Variants in SPATA7 observed in about 807,000 individuals in gnomAD.
SPATA7 encodes the protein spermatogenesis-associated protein 7.
Under a neutral mutation model 51.8 loss-of-function variants are expected in SPATA7, and 43 were observed. That is an observed-to-expected ratio of 0.83 (90% CI 0.65 to 1.07). The LOEUF is 1.07. Ranked by LOEUF, SPATA7 falls within the 50% of genes least tolerant of loss-of-function variation. SPATA7 has a pLI of 0.00. For missense variants in SPATA7, 683 were observed against 701.3 expected (o/e 0.97, Z 0.30); for synonymous variants, 230 against 252.8 (o/e 0.91, Z 0.86).
intron 11 of SPATA7, 67 bp from the exon 12 acceptor site, chr14:88,437,771 C>G (rs973693362): frequency 1.4e-6 from 2 of 1,455,734 alleles, no homozygotes; most frequent in Admixed American, 2.1e-5. Context: ...GTGAGATTTT[C>G]AGCACTGCAG....
chr14:88,436,297 T>C (rs1398651285), intron 10 of SPATA7, among the ~76,000 whole-genome samples: 2 of 152,210 alleles, frequency 1.3e-5, no homozygotes, highest in Non-Finnish European at 2.9e-5. Context: ...TAAATAGTTG[T>C]TTGAGCTCCT....
chr14:88,451,160 C>A (rs1253221525), intron 3 of SPATA7, among the ~76,000 whole-genome samples: 1 of 151,986 alleles, frequency 6.6e-6, no homozygotes, highest in Non-Finnish European at 1.5e-5. Flanking sequence ...AGAAGTTGTG[C>A]TTTTTGTTTT....
At chr14:88,401,012 C>T (rs1190644424) in intron 4 of SPATA7, among the ~76,000 whole-genome samples, 2 of 152,070 alleles carry the variant, frequency 1.3e-5, no homozygotes, top group African/African-American at 4.8e-5. Context: ...CTAGCACCAC[C>T]CTGATGCCAA....
chr14:88,440,677 C>T (rs2077172361), downstream of SPATA7, among the ~76,000 whole-genome samples: 1 of 152,088 alleles, frequency 6.6e-6, no homozygotes, highest in Admixed American at 6.6e-5. Context: ...GATTTGATTC[C>T]TTTTGAGCTG....
chr14:88,467,612 G>A (rs2077384874), intron 4 of SPATA7: 3 of 152,090 alleles, frequency 2.0e-5, no homozygotes, highest in African/African-American at 7.3e-5. Context: ...AGTACCCAAG[G>A]TTTTTAAAAA....
chr14:88,469,852 G>A lies in SPATA7; in HGVS notation c.261G>A (p.Arg87=), dbSNP rs1396374394. 1 of 1,608,216 alleles carries A rather than the reference G, an allele frequency of 6.2e-7. No homozygotes were observed. Among genetic ancestry groups the A allele is most frequent in the Middle Eastern group, 1.7e-4 (1 of 6,054 alleles). The change falls in exon 5 of 5, where the codon AGG becomes AGA. Residue 87 remains arginine, a synonymous_variant. Coordinates refer to the SPATA7 transcript ENST00000556406. The surrounding 1 kb of genome is among the most constrained non-coding windows in gnomAD (Gnocchi z 4.3). ...CCCTGCCTTTTTCTCCACAGGTCAG[G>A]ATTCCAGATGATTAACATTAACTGT...
intron 10 of SPATA7, among the ~76,000 whole-genome samples, chr14:88,433,774 A>G (rs138273645): frequency 1.1e-4 from 16 of 152,328 alleles, no homozygotes; most frequent in African/African-American, 3.6e-4. Context: ...TATGTAACCT[A>G]GGACCCTATT....
In SPATA7 at chr14:88,431,178, G is replaced by A. The variant is rs764902056; in HGVS notation, c.1035G>A (p.Met345Ile). The A allele has an allele frequency of 9.3e-6, 15 of 1,613,532 alleles. No individual in the cohort carries two copies. The highest frequency in any genetic ancestry group is 1.3e-5 in the Non-Finnish European group (15 of 1,179,696). The change falls in exon 9 of 12, where the codon ATG becomes ATA. Residue 345 changes from methionine (M) to isoleucine (I), a missense_variant. Coordinates refer to ENST00000393545, the MANE Select transcript of SPATA7 (RefSeq NM_018418.5). ...TTTAACTTCCTCTTTCTAGGGCAATGTGTCAGTATTCCCTGAAGCCCCCTT... is the reference window on the plus strand; with the variant it reads ...TTTAACTTCCTCTTTCTAGGGCAATATGTCAGTATTCCCTGAAGCCCCCTT... The part of the protein sequence containing the change: ...DALQHSSPRA[M>I]CQYSLKPPST...
intron 4 of SPATA7, among the ~76,000 whole-genome samples, chr14:88,398,134 A>G (rs375365699): frequency 1.3e-5 from 2 of 152,166 alleles, no homozygotes; most frequent in East Asian, 1.9e-4. Context: ...CATGGCTGTC[A>G]CAGCCTTTGA....
intron 4 of SPATA7, among the ~76,000 whole-genome samples, chr14:88,397,682 G>A (rs1232157822): frequency 6.6e-6 from 1 of 150,598 alleles, no homozygotes; most frequent in Non-Finnish European, 1.5e-5. Context: ...CCATAATGTT[G>A]ACACAGGATA....
intron 3 of SPATA7, among the ~76,000 whole-genome samples, chr14:88,447,430 CTT>C (rs539519862): frequency 0.014 from 2,104 of 151,916 alleles, 47 homozygotes; most frequent in African/African-American, 0.048. Context: ...GGTCTTGACT[CTT>C]TATCCAATTT....
At chr14:88,468,077 C>T (rs768631053) in intron 4 of SPATA7, 63 of 1,580,104 alleles carry the variant, frequency 4.0e-5, no homozygotes, top group Non-Finnish European at 4.9e-5. Flanking sequence ...GTTAGGCAAG[C>T]GCTTTTTTTT....
In SPATA7 at chr14:88,437,478, A is replaced by G. The variant is rs74075035; in HGVS notation, c.1161-65A>G. On this transcript the variant is annotated intron_variant, in intron 10 of 11. Coordinates refer to ENST00000393545, the MANE Select transcript of SPATA7 (RefSeq NM_018418.5). The stretch of plus-strand genomic sequence containing the variant: ...AACCTTTGTAGTTTCAGTGTTACGT[A>G]GCTAGTTTATATTTAGATGATTTTC... 5.9e-3 allele frequency: 6,692 copies of G among 1,128,396 alleles called. 273 individuals are homozygous for G. In the African/African-American group the frequency reaches 0.089, roughly 15 times the overall value. 69.9% of individuals were successfully genotyped at this position (1,128,396 alleles called of 1,614,324 possible). A position where few individuals can be genotyped will look rare whatever the true frequency, so the allele number is the denominator to read the frequency against.
At chr14:88,443,261 T>C (rs1214549848), downstream of SPATA7, among the ~76,000 whole-genome samples, 1 of 152,170 alleles carries the variant, frequency 6.6e-6, no homozygotes, top group Middle Eastern at 3.2e-3. Context: ...TTGGTAATTT[T>C]TAAATTACCA....
At chr14:88,406,290 T>G (rs756307913) in intron 4 of SPATA7, among the ~76,000 whole-genome samples, 8 of 152,048 alleles carry the variant, frequency 5.3e-5, no homozygotes, top group Non-Finnish European at 1.2e-4. Flanking sequence ...TACTATAAGA[T>G]TCACTGATTT....
Position 88,469,936 on chromosome 14 carries a change from C to G in SPATA7, c.*69C>G. ...TAAGTACCTACCTCTTCTGCTGTCA[C>G]CATTGCTATAATTGCAATTCCCTGT... On this transcript the variant is annotated 3_prime_UTR_variant, in exon 5 of 5. Coordinates refer to the SPATA7 transcript ENST00000556406. The surrounding 1 kb of genome is among the most constrained non-coding windows in gnomAD (Gnocchi z 4.3). 6.2e-7 allele frequency: 1 copy of G among 1,614,094 alleles called. No individual in the cohort carries two copies. The highest frequency in any genetic ancestry group is 8.5e-7 in the Non-Finnish European group (1 of 1,180,016).
intron 4 of SPATA7, among the ~76,000 whole-genome samples, chr14:88,409,474 C>A (rs2076282701): frequency 6.6e-6 from 1 of 151,750 alleles, no homozygotes; most frequent in Admixed American, 6.6e-5. Context: ...CTTTTTGATT[C>A]TCTATTTTCT....
chr14:88,423,439 C>T (rs994209236), intron 5 of SPATA7, among the ~76,000 whole-genome samples: 1 of 149,528 alleles, frequency 6.7e-6, no homozygotes, highest in Non-Finnish European at 1.5e-5. Flanking sequence ...ATCTGTTGTC[C>T]CAGCTACTCA....
chr14:88,417,316 TTA>T lies in SPATA7; in HGVS notation c.372+487_372+488del, dbSNP rs1555374558. On this transcript the variant is annotated intron_variant, in intron 5 of 11. Transcript: ENST00000393545. ...TTTAATCTGTGGGGTTTTTTTTTTT[TTA>T]TATATATATATATAGTCTCACTCTG... Among the ~76,000 whole-genome samples, 19 of 144,044 alleles carry T rather than the reference TTA, an allele frequency of 1.3e-4. No homozygotes were observed. In the South Asian group the frequency reaches 2.9e-3, roughly 22 times the overall value. The allele number at this position is 144,044 out of a possible 152,430, so 94.5% of individuals were successfully genotyped here. A position where few individuals can be genotyped will look rare whatever the true frequency, so the allele number is the denominator to read the frequency against.
Sources: gnomAD v4.1 joint callset for allele counts (sites outside exome capture counted in the v4.1 genomes callset) on GRCh38, gnomAD v4.1.1 for gene constraint, Gnocchi (gnomAD v3.1) non-coding constraint, MANE v1.5 for transcripts, NCBI Gene and HGNC (gene_info 2026-07-23, HGNC 2026-07-21) for gene names.